Variants in RPS6KL1 observed in about 807,000 individuals in gnomAD.
RPS6KL1 encodes the protein ribosomal protein S6 kinase-like 1.
Under a neutral mutation model 57.0 loss-of-function variants are expected in RPS6KL1, and 41 were observed. The ratio of observed to expected loss-of-function variants is 0.72; its 90% CI spans 0.56 to 0.93. The LOEUF (loss-of-function observed/expected upper bound fraction) is 0.93, where lower values mean the gene tolerates loss of function less well. Ranked by LOEUF, RPS6KL1 falls within the 40% of genes least tolerant of loss-of-function variation. The pLI is 0.00. For missense variants in RPS6KL1, 697 were observed against 727.7 expected, an observed-to-expected ratio of 0.96 and a Z score of 0.49; for synonymous variants, 287 against 309.7, an observed-to-expected ratio of 0.93 and a Z score of 0.77.
In RPS6KL1 at chr14:74,906,924, T is replaced by C. The variant is rs1196580364; in HGVS notation, c.*90A>G. 2 of 970,206 alleles carry C rather than the reference T, an allele frequency of 2.1e-6. No individual in the cohort carries two copies. The highest frequency in any genetic ancestry group is 4.9e-5 in the African/African-American group (2 of 40,782). The allele number at this position is 970,206 out of a possible 1,614,324, so 60.1% of individuals were successfully genotyped here. ...CCTCCATTCCTCGCCCAAAGCCCGC[T>C]GATAGAGGGCCAGCCCTGGGTTGGG... On this transcript the variant is annotated 3_prime_UTR_variant, in exon 12 of 12. Coordinates refer to ENST00000557413, the MANE Select transcript of RPS6KL1 (RefSeq NM_031464.5).
rs1409878963 is a variant in RPS6KL1 at position 74,907,144 on chromosome 14, C to T, written c.1540-20G>A. 7 of 1,582,412 alleles carry T rather than the reference C, an allele frequency of 4.4e-6. No homozygotes were observed. The highest frequency in any genetic ancestry group is 6.0e-6 in the Non-Finnish European group (7 of 1,158,982). On this transcript the variant is annotated intron_variant, in intron 11 of 11. Transcript: ENST00000557413. ...CAGCAGCTGCAGAGAGAGGCCCAGTCAGCTGGGCCACTCCAGCTGTGGAGG... is the reference window on the plus strand; with the variant it reads ...CAGCAGCTGCAGAGAGAGGCCCAGTTAGCTGGGCCACTCCAGCTGTGGAGG...
At chr14:74,914,313 C>A (rs1292486708) in intron 5 of RPS6KL1, among the ~76,000 whole-genome samples, 3 of 152,220 alleles carry the variant, frequency 2.0e-5, no homozygotes, top group Non-Finnish European at 4.4e-5. Flanking sequence ...CAAATCCTGA[C>A]ACCCCAGATA....
chr14:74,905,219 C>G lies in RPS6KL1; in HGVS notation c.*1795G>C, dbSNP rs1365087335. On this transcript the variant is annotated 3_prime_UTR_variant, in exon 12 of 12. Transcript: ENST00000557413. ...TTTGGGTGGATGAAGCACAGAAGTT[C>G]CAGAAGGGACTTGTGCTTCATGAAG... 6.6e-6 allele frequency: 1 copy of G among 152,086 alleles called. No homozygotes were observed. Among genetic ancestry groups the G allele is most frequent in the Non-Finnish European group, 1.5e-5 (1 of 68,024 alleles). The allele number at this position is 152,086 out of a possible 1,614,324, so 9.4% of individuals were successfully genotyped here. A position where few individuals can be genotyped will look rare whatever the true frequency, so the allele number is the denominator to read the frequency against.
chr14:74,922,776 C>G (rs766786895), intron 1 of RPS6KL1, among the ~76,000 whole-genome samples: 1 of 152,228 alleles, frequency 6.6e-6, no homozygotes, highest in Non-Finnish European at 1.5e-5. Context: ...TGGGCAGGAC[C>G]CGGAACTTCC....
In RPS6KL1 at chr14:74,906,410, G is replaced by GGGGGT. The variant is rs1491223848; in HGVS notation, c.*603_*604insACCCC. 2 of 224,872 alleles carry GGGGGT rather than the reference G, an allele frequency of 8.9e-6. No homozygotes were observed. The highest frequency in any genetic ancestry group is 2.0e-4 in the African/African-American group (2 of 9,884). The allele number at this position is 224,872 out of a possible 1,614,324, so 13.9% of individuals were successfully genotyped here. On this transcript the variant is annotated 3_prime_UTR_variant, in exon 12 of 12. Transcript: ENST00000557413. ...GGGGGCATGGTCAGGAATCGGGGGTGGGGGGGTGGGGGTGGGGGTCATCCT... is the reference window on the plus strand; with the variant it reads ...GGGGGCATGGTCAGGAATCGGGGGTGGGGGTGGGGGGTGGGGGTGGGGGTCATCCT...
In RPS6KL1 at chr14:74,911,744, G is replaced by A. The variant is rs1022573249; in HGVS notation, c.531+50C>T. ...CTGGGTAGGAGTTTCCAAGAGCCCT[G>A]AGAAAGATCCAAGGGGAATGCAGAG... On this transcript the variant is annotated intron_variant, in intron 6 of 11. Transcript: ENST00000557413. 7 of 1,505,996 alleles carry A rather than the reference G, an allele frequency of 4.6e-6. No homozygotes were observed. In the Admixed American group the frequency reaches 7.8e-5, roughly 17 times the overall value. 93.3% of individuals were successfully genotyped at this position (1,505,996 alleles called of 1,614,324 possible). A position where few individuals can be genotyped will look rare whatever the true frequency, so the allele number is the denominator to read the frequency against.
In RPS6KL1 at chr14:74,906,531, G is replaced by C. The variant is rs370183560; in HGVS notation, c.*483C>G. 1.9e-6 allele frequency: 1 copy of C among 516,262 alleles called. No individual in the cohort carries two copies. The highest frequency in any genetic ancestry group is 4.0e-6 in the Non-Finnish European group (1 of 251,050). The allele number at this position is 516,262 out of a possible 1,614,324, so 32.0% of individuals were successfully genotyped here. On this transcript the variant is annotated 3_prime_UTR_variant, in exon 12 of 12. Transcript: ENST00000557413. ...AGCTTCTGGTGGAAGAGGCCTACTC[G>C]CTGTGTGACTAAGAGGACTAGCCAG... is the stretch of plus-strand genomic sequence containing the variant.
chr14:74,908,838 C>T lies in RPS6KL1; in HGVS notation c.1443+12G>A, dbSNP rs373390269. On this transcript the variant is annotated intron_variant, in intron 10 of 11. Coordinates refer to ENST00000557413, the MANE Select transcript of RPS6KL1 (RefSeq NM_031464.5). ...CACCCACCAGGGCACTACACCCAGC[C>T]CAGCCACTCACCATTCCCGTCAGCA... 7 of 1,613,252 alleles carry T rather than the reference C, an allele frequency of 4.3e-6. No individual in the cohort carries two copies. In the African/African-American group the frequency reaches 9.3e-5, roughly 22 times the overall value.
rs776972530 is a variant in RPS6KL1, at chr14:74,907,459, G to C, written c.1515C>G (p.Arg505=). Residue 505 remains arginine (R), a synonymous_variant, in exon 11 of 12, where the codon CGC becomes CGG. Coordinates refer to ENST00000557413, the MANE Select transcript of RPS6KL1 (RefSeq NM_031464.5). ...TQLQLPEWLS[R]PAASLLTELL... is the part of the protein sequence containing the mutation. ...CCTCAGTCAGCAGAGAGGCCGCTGG[G>C]CGACTGAGCCACTCGGGCAGCTGGA... 1 of 1,585,908 alleles carries C rather than the reference G, an allele frequency of 6.3e-7. No individual in the cohort carries two copies. The highest frequency in any genetic ancestry group is 1.3e-5 in the African/African-American group (1 of 74,468).
rs144227714 is a variant in RPS6KL1 at position 74,910,090 on chromosome 14, G to T, written c.723C>A (p.Ser241Arg). 1 of 1,595,758 alleles carries T rather than the reference G, an allele frequency of 6.3e-7. No individual in the cohort carries two copies. The highest frequency in any genetic ancestry group is 8.5e-7 in the Non-Finnish European group (1 of 1,170,996). ...TCATCCTCTCCTGGGTAGAGCCAGAGCTGAGCCCAGAATGTCGGGAGTGCG... is the reference window on the plus strand; with the variant it reads ...TCATCCTCTCCTGGGTAGAGCCAGATCTGAGCCCAGAATGTCGGGAGTGCG... Reference protein sequence around the residue: ...SQAHSRHSGLSSGSTQERMKA... With the variant: ...SQAHSRHSGLRSGSTQERMKA... Residue 241 changes from serine to arginine, a missense_variant, in exon 8 of 12, where the codon AGC becomes AGA. Physicochemically the swap from Ser to Arg is moderately radical, Grantham distance 110. Coordinates refer to ENST00000557413, the MANE Select transcript of RPS6KL1 (RefSeq NM_031464.5).
rs1034183584 is a variant in RPS6KL1 at position 74,923,216 on chromosome 14, TC to T, written c.-566del. On this transcript the variant is annotated 5_prime_UTR_variant, in exon 1 of 12. Transcript: ENST00000557413. ...GGGAGCCGGGTCCGCGGGCCAGGCC[TC>T]CCCCTCACGTACCGGCCCTTCACGC... The T allele has an allele frequency of 1.3e-5, 2 of 152,152 alleles. No individual in the cohort carries two copies. Among genetic ancestry groups the T allele is most frequent in the African/African-American group, 4.8e-5 (2 of 41,476 alleles). The allele number at this position is 152,152 out of a possible 1,614,324, so 9.4% of individuals were successfully genotyped here. A position where few individuals can be genotyped will look rare whatever the true frequency, so the allele number is the denominator to read the frequency against.
rs1884548710 is a variant in RPS6KL1 at position 74,905,067 on chromosome 14, T to A, written c.*1947A>T. On this transcript the variant is annotated 3_prime_UTR_variant, in exon 12 of 12. Coordinates refer to ENST00000557413, the MANE Select transcript of RPS6KL1 (RefSeq NM_031464.5). The stretch of plus-strand genomic sequence containing the variant: ...CAGGATTTGGTGTTAGAAGCTTTAA[T>A]TTATCTATCTGGTAAACCTGCAAAA... 1 of 151,992 alleles carries A rather than the reference T, an allele frequency of 6.6e-6. No homozygotes were observed. Among genetic ancestry groups the A allele is most frequent in the Admixed American group, 6.5e-5 (1 of 15,282 alleles). 9.4% of individuals were successfully genotyped at this position (151,992 alleles called of 1,614,324 possible). A position where few individuals can be genotyped will look rare whatever the true frequency, so the allele number is the denominator to read the frequency against.
Position 74,906,483 on chromosome 14 carries a change from T to C in RPS6KL1, c.*531A>G, listed in dbSNP as rs1261850878. 4.3e-6 allele frequency: 2 copies of C among 464,242 alleles called. No individual in the cohort carries two copies. The highest frequency in any genetic ancestry group is 2.0e-5 in the African/African-American group (1 of 50,370). 28.8% of individuals were successfully genotyped at this position (464,242 alleles called of 1,614,324 possible). A position where few individuals can be genotyped will look rare whatever the true frequency, so the allele number is the denominator to read the frequency against. On this transcript the variant is annotated 3_prime_UTR_variant, in exon 12 of 12. Transcript: ENST00000557413. ...GCACAACAGATGGCATCCCTGCTTCTGGGCCTCCCCAGCTGCACGAACAGC... is the reference window on the plus strand; with the variant it reads ...GCACAACAGATGGCATCCCTGCTTCCGGGCCTCCCCAGCTGCACGAACAGC...
chr14:74,905,371 C>T lies in RPS6KL1; in HGVS notation c.*1643G>A, dbSNP rs1336713346. The T allele has an allele frequency of 1.5e-5, 2 of 132,452 alleles. No homozygotes were observed. Among genetic ancestry groups the T allele is most frequent in the African/African-American group, 3.4e-5 (1 of 29,194 alleles). 8.2% of individuals were successfully genotyped at this position (132,452 alleles called of 1,614,324 possible). A position where few individuals can be genotyped will look rare whatever the true frequency, so the allele number is the denominator to read the frequency against. ...TTTTCTCAGGAGCTACCGTCTGTTG[C>T]AAGGGGTCACTGTGAGGATGAAACT... is the stretch of plus-strand genomic sequence containing the variant. On this transcript the variant is annotated 3_prime_UTR_variant, in exon 12 of 12. Coordinates refer to ENST00000557413, the MANE Select transcript of RPS6KL1 (RefSeq NM_031464.5).
intron 5 of RPS6KL1, among the ~76,000 whole-genome samples, chr14:74,916,511 C>T (rs1055634134): frequency 7.2e-5 from 11 of 152,110 alleles, no homozygotes; most frequent in Non-Finnish European, 1.2e-4. Flanking sequence ...GGCAACACAG[C>T]GAGATCTCTC....
Position 74,921,585 on chromosome 14 carries a change from G to A in RPS6KL1, c.-20-24C>T, listed in dbSNP as rs776110120. 3.1e-6 allele frequency: 5 copies of A among 1,596,014 alleles called. No individual in the cohort carries two copies. In the East Asian group the frequency reaches 1.1e-4, roughly 36 times the overall value. ...ACCTGGAATGGGCAAATGCATTAGG[G>A]AGGACCTAGCTGGTAGCAACACCCC... On this transcript the variant is annotated intron_variant, in intron 2 of 11. Transcript: ENST00000557413.
rs1885573019 is a variant in RPS6KL1 at position 74,909,686 on chromosome 14, C to T, written c.1127G>A (p.Gly376Asp). 2 of 1,609,306 alleles carry T rather than the reference C, an allele frequency of 1.2e-6. No individual in the cohort carries two copies. Among genetic ancestry groups the T allele is most frequent in the Admixed American group, 3.3e-5 (2 of 60,024 alleles). Residue 376 changes from glycine to aspartate, a missense_variant, in exon 8 of 12, where the codon GGC (glycine) becomes GAC (aspartate). By Grantham distance (94) the Gly-to-Asp change is moderately conservative (BLOSUM62 -1). Coordinates refer to ENST00000557413, the MANE Select transcript of RPS6KL1 (RefSeq NM_031464.5). ...CACACTCCAGGTGGCCCTGCCACAG[C>T]CCCGGCCGGCCCCATCTGCTGACAG... ...SCLSADGAGR[G>D]CGRATWSVRE... is the part of the protein sequence containing the mutation.
chr14:74,921,223 C>A, intron 3 of RPS6KL1, 54 bp downstream of exon 3: 4 of 1,446,358 alleles, frequency 2.8e-6, no homozygotes, highest in South Asian at 2.4e-5. Context: ...ACAGGAAGAG[C>A]CCTGCACTGG....
chr14:74,912,013 C>T (rs1886092520), intron 5 of RPS6KL1, among the ~76,000 whole-genome samples, 172 bp from the exon 6 acceptor site: 1 of 152,136 alleles, frequency 6.6e-6, no homozygotes, highest in African/African-American at 2.4e-5. Context: ...CTATCCTGCT[C>T]ACCCACCCCT....
Sources: allele counts gnomAD v4.1 joint callset (sites outside exome capture counted in the v4.1 genomes callset), GRCh38; gene constraint gnomAD v4.1.1; transcripts MANE v1.5; gene names NCBI Gene and HGNC (gene_info 2026-07-23, HGNC 2026-07-21).